The following NEB variants were observed in gnomAD, a reference collection of about 807,000 sequenced individuals.
The protein encoded by NEB is nebulin, also known as nemaline myopathy type 2.
A neutral mutation model predicts 952.2 loss-of-function variants in NEB; 512 were observed. That is an observed-to-expected ratio of 0.54 (90% CI 0.50 to 0.58). The LOEUF (loss-of-function observed/expected upper bound fraction) is 0.58. Among genes scored for constraint, NEB ranks in the 20% least tolerant of loss-of-function variants. The pLI is 0.00. For synonymous variants in NEB, 2,900 were observed against 3,149.8 expected (o/e 0.92, Z 2.66); for missense variants, 8,428 against 9,231.1 (o/e 0.91, Z 3.56).
chr2:151,578,770 TGAAG>T (rs1047213315), intron 105 of NEB, among the ~76,000 whole-genome samples: 5 of 110,082 alleles, frequency 4.5e-5, no homozygotes, highest in African/African-American at 1.1e-4. Context: ...AAGGAAGGAA[TGAAG>T]GAAGGAAGGA....
Position 151,727,710 on chromosome 2 carries a change from A to G in NEB, c.275T>C (p.Met92Thr), listed in dbSNP as rs760962104. The G allele has an allele frequency of 2.5e-6, 4 of 1,613,054 alleles. No individual in the cohort carries two copies. Among genetic ancestry groups the G allele is most frequent in the Non-Finnish European group, 3.4e-6 (4 of 1,179,248 alleles). The part of the protein sequence containing the change: ...MTPYIAHSQK[M>T]QDLFSPNKYK... ...ACTTACTGGGCTAAAAAGATCCTGC[A>G]TTTTCTGACTGTGTGCAATGTAGGG... Residue 92 changes from methionine (M) to threonine (T), a missense_variant, in exon 5 of 182, where the codon ATG becomes ACG. Met to Thr is a moderately conservative substitution (Grantham distance 81, BLOSUM62 -1). Coordinates refer to ENST00000397345, the MANE Select transcript of NEB (RefSeq NM_001164508.2).
Position 151,710,857 on chromosome 2 carries a change from A to G in NEB, c.823-319T>C, listed in dbSNP as rs186545304. The stretch of plus-strand genomic sequence containing the variant: ...GAGTCAGAAGTCATCCTCTATTTAT[A>G]TTTCAGTTACAATACAACCTATCAA... On this transcript the variant is annotated intron_variant, in intron 10 of 181. Coordinates refer to ENST00000397345, the MANE Select transcript of NEB (RefSeq NM_001164508.2). Among the ~76,000 whole-genome samples, 276 of 152,286 alleles carry G rather than the reference A, an allele frequency of 1.8e-3. 1 individual carries two copies. The highest frequency in any genetic ancestry group is 6.5e-3 in the African/African-American group (270 of 41,564).
At chr2:151,552,293 G>C (rs1360556895) in intron 128 of NEB, among the ~76,000 whole-genome samples, 8 of 152,104 alleles carry the variant, frequency 5.3e-5, no homozygotes, top group African/African-American at 1.7e-4. Flanking sequence ...GTGTGGTAGA[G>C]GTGAGACTGC....
intron 36 of NEB, among the ~76,000 whole-genome samples, chr2:151,672,925 A>C (rs2099318041): frequency 6.6e-6 from 1 of 152,234 alleles, no homozygotes; most frequent in Non-Finnish European, 1.5e-5. Context: ...TGCATGTGGA[A>C]CTTTATTTTA....
chr2:151,540,892 G>A, intron 136 of NEB, 91 bp from the exon 137 acceptor site: 1 of 1,093,002 alleles, frequency 9.1e-7, no homozygotes, highest in Non-Finnish European at 1.4e-6. Flanking sequence ...CCATTCAGTG[G>A]GAAGGTGGTA....
In NEB at chr2:151,675,563, G is replaced by A. The variant is rs773060138; in HGVS notation, c.3775-172C>T. 2.6e-5 allele frequency among the ~76,000 whole-genome samples: 4 copies of A among 152,008 alleles called. No individual in the cohort carries two copies. In the South Asian group the frequency reaches 8.3e-4, roughly 31 times the overall value. On this transcript the variant is annotated intron_variant, in intron 34 of 181. Transcript: ENST00000397345. Reference sequence around the variant, plus strand: ...ATCTTATTATCTTTAATACCAACAAGTCTTGTGTGTTAAAATAGAAGGAGA... The same window carrying A: ...ATCTTATTATCTTTAATACCAACAAATCTTGTGTGTTAAAATAGAAGGAGA...
intron 9 of NEB, 29 bp downstream of exon 9, chr2:151,723,353 C>T (rs2150659145): frequency 6.5e-7 from 1 of 1,542,418 alleles, no homozygotes; most frequent in South Asian, 1.2e-5. Context: ...CTCTGCACAC[C>T]TAAGTGGTGC....
intron 63 of NEB, among the ~76,000 whole-genome samples, chr2:151,637,526 C>T (rs144454775): frequency 1.9e-3 from 288 of 152,226 alleles, no homozygotes; most frequent in South Asian, 0.011. Context: ...CAGAGGGGAG[C>T]GCCCATGGCA....
At chr2:151,729,389 C>G (rs2099800186) in intron 4 of NEB, among the ~76,000 whole-genome samples, 1 of 152,140 alleles carries the variant, frequency 6.6e-6, no homozygotes, top group African/African-American at 2.4e-5. Flanking sequence ...ATAGGGGGAA[C>G]CACCCCCTGC....
intron 105 of NEB, among the ~76,000 whole-genome samples, chr2:151,577,340 C>T (rs536051621): frequency 1.9e-4 from 29 of 152,240 alleles, no homozygotes; most frequent in Non-Finnish European, 3.2e-4. Flanking sequence ...TCTTTCAATT[C>T]GTAGTCTCAT....
chr2:151,570,152 G>A lies in NEB; in HGVS notation c.17359C>T (p.His5787Tyr). The change falls in exon 109 of 182, where the codon CAC (histidine) becomes TAC (tyrosine). Residue 5787 changes from histidine to tyrosine, a missense_variant. This residue lies in a region of NEB where 3,374 missense variants were observed against 3,651.5 expected (regional missense o/e 0.92). Coordinates refer to ENST00000397345, the MANE Select transcript of NEB (RefSeq NM_001164508.2). The part of the protein sequence containing the change: ...VSDMDYRNYL[H>Y]QWTCMPDQND... Reference sequence around the variant, plus strand: ...TGGTCGGGCATGCAGGTCCACTGGTGCAGGTAATTGCGGTAATCCATGTCA... The same window carrying A: ...TGGTCGGGCATGCAGGTCCACTGGTACAGGTAATTGCGGTAATCCATGTCA... 6.2e-7 allele frequency: 1 copy of A among 1,613,414 alleles called. No homozygotes were observed. Among genetic ancestry groups the A allele is most frequent in the East Asian group, 2.2e-5 (1 of 44,802 alleles).
intron 74 of NEB, 93 bp from the exon 75 acceptor site, chr2:151,617,561 C>A: frequency 1.4e-6 from 1 of 708,306 alleles, no homozygotes; most frequent in South Asian, 2.3e-5. Flanking sequence ...AGTCATCTCT[C>A]TTGTATACAA....
intron 20 of NEB, among the ~76,000 whole-genome samples, chr2:151,692,925 G>A (rs1036930981): frequency 5.3e-5 from 8 of 152,118 alleles, no homozygotes; most frequent in Admixed American, 1.3e-4. Flanking sequence ...AGCCGAGATC[G>A]TGACACTGCA....
intron 124 of NEB, among the ~76,000 whole-genome samples, chr2:151,555,473 A>G (rs1020577384): frequency 2.6e-5 from 4 of 152,198 alleles, no homozygotes; most frequent in Non-Finnish European, 4.4e-5. Flanking sequence ...TTAATAACTG[A>G]AAAGTCTGCT....
In NEB at chr2:151,662,260, T is replaced by C; in HGVS notation, c.5845A>G (p.Lys1949Glu). The C allele has an allele frequency of 1.9e-6, 3 of 1,613,702 alleles. No individual in the cohort carries two copies. The South Asian group carries it at 3.3e-5, about 18-fold the overall frequency. ...TCACTAATAATCTCCATGGCTTTCTTGTTTTTCTCTGCTTCCAGGGAGCCC... is the reference window on the plus strand; with the variant it reads ...TCACTAATAATCTCCATGGCTTTCTCGTTTTTCTCTGCTTCCAGGGAGCCC... Reference protein sequence around the residue: ...PLGSLEAEKNKKAMEIISEKK... With the variant: ...PLGSLEAEKNEKAMEIISEKK... The change falls in exon 46 of 182, where the codon AAG becomes GAG. Residue 1949 changes from lysine (K) to glutamate (E), a missense_variant. By Grantham distance (56) the Lys-to-Glu change is moderately conservative (BLOSUM62 1). Around this residue, in one of 11 missense-constraint regions of NEB, gnomAD observed 2,851 missense variants for 2,791.5 expected, o/e 1.02. Transcript: ENST00000397345.
At chr2:151,639,708 A>T (rs1205153929) in intron 62 of NEB, 149 bp downstream of exon 62, 1 of 663,856 alleles carries the variant, frequency 1.5e-6, no homozygotes, top group Non-Finnish European at 2.5e-6. Context: ...TATATCAGTT[A>T]TTAATAGATA....
chr2:151,523,963 C>A (rs1189351750), intron 153 of NEB, among the ~76,000 whole-genome samples: 1 of 152,086 alleles, frequency 6.6e-6, no homozygotes. Flanking sequence ...TAAATCTATC[C>A]CAGGTGACTC....
chr2:151,506,607 A>G (rs2069120898), intron 163 of NEB, among the ~76,000 whole-genome samples: 1 of 152,348 alleles, frequency 6.6e-6, no homozygotes, highest in Non-Finnish European at 1.5e-5. Flanking sequence ...GGGGAGGGAT[A>G]ACAAAAGAAA....
At chr2:151,629,330 G>T (rs1348556270) in intron 68 of NEB, among the ~76,000 whole-genome samples, 1 of 152,086 alleles carries the variant, frequency 6.6e-6, no homozygotes, top group South Asian at 2.1e-4. Context: ...ACTGGTTTAG[G>T]TTACCCCCTT....
Sources: gnomAD v4.1 joint callset for allele counts (sites outside exome capture counted in the v4.1 genomes callset) on GRCh38, gnomAD v4.1.1 for gene constraint, gnomAD v4.1.1 regional missense constraint, MANE v1.5 for transcripts, NCBI Gene and HGNC (gene_info 2026-07-23, HGNC 2026-07-21) for gene names.